Variants in PIGK observed in about 807,000 individuals in gnomAD.
The protein encoded by PIGK is phosphatidylinositol glycan anchor biosynthesis class K.
A neutral mutation model predicts 50.6 loss-of-function variants in PIGK; 42 were observed. The ratio of observed to expected loss-of-function variants is 0.83; its 90% CI spans 0.65 to 1.07. The LOEUF (loss-of-function observed/expected upper bound fraction) is 1.07, where lower values mean the gene tolerates loss of function less well. Among genes scored for constraint, PIGK ranks in the 50% least tolerant of loss-of-function variants. PIGK has a pLI of 0.00. For synonymous variants in PIGK, 151 were observed against 156.0 expected (o/e 0.97, Z 0.24); for missense variants, 448 against 488.7 (o/e 0.92, Z 0.78).
intron 10 of PIGK, among the ~76,000 whole-genome samples, chr1:77,105,343 C>G (rs2100514307): frequency 6.6e-6 from 1 of 151,996 alleles, no homozygotes; most frequent in South Asian, 2.1e-4. Flanking sequence ...AGGCATTATT[C>G]AGAAAGAACC....
chr1:77,145,509 AT>A (rs1654749384), intron 9 of PIGK, among the ~76,000 whole-genome samples: 1 of 152,052 alleles, frequency 6.6e-6, no homozygotes, highest in African/African-American at 2.4e-5. Flanking sequence ...TGTGTAGGAA[AT>A]ATCTACAATA....
intron 8 of PIGK, among the ~76,000 whole-genome samples, chr1:77,159,907 T>C (rs1244163403): frequency 6.6e-6 from 1 of 152,100 alleles, no homozygotes; most frequent in East Asian, 1.9e-4. Flanking sequence ...AGTTAAGACT[T>C]TGGAGTACTG....
In PIGK at chr1:77,198,568, A is replaced by G. The variant is rs736453; in HGVS notation, c.239+8072T>C. Reference sequence around the variant, plus strand: ...ATTAATAGGAGTTTAGCAAGTTGCTAGAACAATATATAAAAATCAACTGCA... The same window carrying G: ...ATTAATAGGAGTTTAGCAAGTTGCTGGAACAATATATAAAAATCAACTGCA... On this transcript the variant is annotated intron_variant, in intron 3 of 10. Coordinates refer to ENST00000370812, the MANE Select transcript of PIGK (RefSeq NM_005482.3). Among the ~76,000 whole-genome samples, 556 of 152,136 alleles carry G rather than the reference A, an allele frequency of 3.7e-3. 2 individuals are homozygous for G. Among genetic ancestry groups the G allele is most frequent in the African/African-American group, 0.013 (542 of 41,554 alleles).
At chr1:77,208,670 C>G (rs1000124910) in intron 2 of PIGK, among the ~76,000 whole-genome samples, 3 of 152,088 alleles carry the variant, frequency 2.0e-5, no homozygotes, top group Non-Finnish European at 1.5e-5. Flanking sequence ...TTCTCAGTAA[C>G]TTCAGAAAAA....
In PIGK at chr1:77,163,088, T is replaced by TACAGTATG. The variant is rs1272874824; in HGVS notation, c.584+757_584+758insCATACTGT. Among the ~76,000 whole-genome samples the TACAGTATG allele has an allele frequency of 2.0e-5, 3 of 152,316 alleles. No individual in the cohort carries two copies. The East Asian group carries it at 5.8e-4, about 29-fold the overall frequency. Reference sequence around the variant, plus strand: ...ACAGTATGCAGCCCCCAGTATGCATTCTATAACTGTAAGCTATGAATAAGA... The same window carrying TACAGTATG: ...ACAGTATGCAGCCCCCAGTATGCATTACAGTATGCTATAACTGTAAGCTATGAATAAGA... On this transcript the variant is annotated intron_variant, in intron 6 of 10. Transcript: ENST00000370812.
chr1:77,133,389 A>G (rs1399303763), intron 9 of PIGK, among the ~76,000 whole-genome samples: 1 of 152,100 alleles, frequency 6.6e-6, no homozygotes. Flanking sequence ...ATCTATTTTC[A>G]AGAATATTTT....
At chr1:77,217,509 G>A (rs1215432468) in intron 1 of PIGK, among the ~76,000 whole-genome samples, 1 of 152,178 alleles carries the variant, frequency 6.6e-6, no homozygotes, top group Non-Finnish European at 1.5e-5. Flanking sequence ...TTGTTTGTGG[G>A]TCATGGTGGA....
At chr1:77,159,451 C>T (rs1284854878) in intron 8 of PIGK, among the ~76,000 whole-genome samples, 1 of 152,138 alleles carries the variant, frequency 6.6e-6, no homozygotes, top group Admixed American at 6.5e-5. Context: ...GAGAAGAGGG[C>T]CACCGTCCTC....
At chr1:77,100,714 G>A (rs1422125436) in intron 10 of PIGK, among the ~76,000 whole-genome samples, 3 of 152,156 alleles carry the variant, frequency 2.0e-5, no homozygotes, top group Non-Finnish European at 4.4e-5. Context: ...AGGAGGTCTA[G>A]ATATCAGAGA....
intron 10 of PIGK, among the ~76,000 whole-genome samples, chr1:77,113,688 T>C (rs755737674): frequency 2.2e-4 from 34 of 152,166 alleles, no homozygotes; most frequent in Admixed American, 1.9e-3. Context: ...AATTGCGTTA[T>C]GAATGGTGGC....
At position 77,131,901 on chromosome 1, in the gene PIGK, T is replaced by C. The variant is rs184062680; in HGVS notation, c.987-9542A>G. On this transcript the variant is annotated intron_variant, in intron 9 of 10. Coordinates refer to ENST00000370812, the MANE Select transcript of PIGK (RefSeq NM_005482.3). ...TCAGAATTATATTCGTTCCACCAAATGAGGTAGGAAGCTTTTTTATTCTGT... is the reference window on the plus strand; with the variant it reads ...TCAGAATTATATTCGTTCCACCAAACGAGGTAGGAAGCTTTTTTATTCTGT... Among the ~76,000 whole-genome samples the C allele has an allele frequency of 2.0e-5, 3 of 152,192 alleles. No homozygotes were observed. The East Asian group carries it at 5.8e-4, about 29-fold the overall frequency.
intron 10 of PIGK, among the ~76,000 whole-genome samples, chr1:77,106,441 TAAAC>T (rs1653676337): frequency 6.6e-6 from 1 of 152,308 alleles, no homozygotes; most frequent in Non-Finnish European, 1.5e-5. Context: ...AAAATGATCA[TAAAC>T]AACATTCCTT....
intron 6 of PIGK, 47 bp downstream of exon 6, chr1:77,163,799 A>T (rs1421334346): frequency 3.0e-6 from 3 of 984,744 alleles, no homozygotes; most frequent in South Asian, 3.0e-5. Context: ...ACCATGTGAA[A>T]ATTAGGTATG....
At chr1:77,154,642 A>G in intron 8 of PIGK, 21 bp from the exon 9 acceptor site, 1 of 1,475,752 alleles carries the variant, frequency 6.8e-7, no homozygotes, top group Non-Finnish European at 9.4e-7. Flanking sequence ...ATATAATAAT[A>G]AATGCATGCA....
rs547678774 is a variant in PIGK at position 77,193,431 on chromosome 1, T to G, written c.239+13209A>C. ...TGTAGCAACTCCATAAATACAGTTTTCAGGGTGTCTAAAAGGAACAGACTC... is the reference window on the plus strand; with the variant it reads ...TGTAGCAACTCCATAAATACAGTTTGCAGGGTGTCTAAAAGGAACAGACTC... On this transcript the variant is annotated intron_variant, in intron 3 of 10. Transcript: ENST00000370812. Among the ~76,000 whole-genome samples the G allele has an allele frequency of 5.3e-5, 8 of 152,288 alleles. No individual in the cohort carries two copies. The South Asian group carries it at 1.7e-3, about 32-fold the overall frequency.
intron 9 of PIGK, among the ~76,000 whole-genome samples, chr1:77,149,037 T>C (rs1654835903): frequency 1.3e-5 from 2 of 152,082 alleles, no homozygotes; most frequent in Admixed American, 6.5e-5. Context: ...AATAACTTAT[T>C]AGAACTATAC....
At chr1:77,112,433 C>A (rs1653876072) in intron 10 of PIGK, among the ~76,000 whole-genome samples, 2 of 151,966 alleles carry the variant, frequency 1.3e-5, no homozygotes, top group African/African-American at 2.4e-5. Context: ...AGAAGAGATC[C>A]CCCGTTACCA....
chr1:77,175,966 C>T (rs1263691448), intron 3 of PIGK, among the ~76,000 whole-genome samples: 2 of 152,004 alleles, frequency 1.3e-5, no homozygotes, highest in East Asian at 3.8e-4. Context: ...TGAAATTTGG[C>T]TCTCCCTGAA....
intron 1 of PIGK, among the ~76,000 whole-genome samples, chr1:77,211,930 T>C (rs1342563053): frequency 1.3e-5 from 2 of 151,928 alleles, no homozygotes; most frequent in African/African-American, 4.8e-5. Context: ...AGTCCTGTAA[T>C]TGTGAATGAC....
Sources: gnomAD v4.1 joint callset for allele counts (sites outside exome capture counted in the v4.1 genomes callset) on GRCh38, gnomAD v4.1.1 for gene constraint, MANE v1.5 for transcripts, NCBI Gene and HGNC (gene_info 2026-07-23, HGNC 2026-07-21) for gene names.